ADAMTSL1: variants seen among roughly 807,000 people sequenced by gnomAD.
ADAMTSL1 encodes ADAMTS like 1, also known as ADAMTS-like protein 1.
ADAMTSL1 carries 126 observed loss-of-function variants against 201.8 expected under a neutral mutation model. The ratio of observed to expected loss-of-function variants is 0.62; its 90% CI spans 0.54 to 0.72. ADAMTSL1 has a LOEUF of 0.72. Among genes scored for constraint, ADAMTSL1 ranks in the 30% least tolerant of loss-of-function variants. ADAMTSL1 has a pLI of 0.00. For synonymous variants in ADAMTSL1, 1,121 were observed against 903.4 expected (o/e 1.24, Z -4.32); for missense variants, 2,679 against 2,277.8 (o/e 1.18, Z -3.59).
intron 7 of ADAMTSL1, among the ~76,000 whole-genome samples, chr9:18,651,898 A>G (rs183617315): frequency 2.0e-5 from 3 of 147,918 alleles, no homozygotes; most frequent in African/African-American, 7.3e-5. Flanking sequence ...GGAATTTATT[A>G]AGTTTATAAA....
intron 1 of ADAMTSL1, among the ~76,000 whole-genome samples, chr9:18,117,666 A>G (rs1409462223): frequency 6.6e-5 from 10 of 152,106 alleles, no homozygotes; most frequent in African/African-American, 2.2e-4. Flanking sequence ...TACATTTATC[A>G]TTTAGTATCT....
At chr9:18,493,375 G>A (rs1415846647) in intron 1 of ADAMTSL1, among the ~76,000 whole-genome samples, 1 of 152,096 alleles carries the variant, frequency 6.6e-6, no homozygotes, top group African/African-American at 2.4e-5. Flanking sequence ...AATTGGTAGA[G>A]GCCTATGCTT....
At chr9:18,729,375 G>A (rs1425083781) in intron 15 of ADAMTSL1, among the ~76,000 whole-genome samples, 3 of 152,192 alleles carry the variant, frequency 2.0e-5, no homozygotes, top group African/African-American at 7.2e-5. Flanking sequence ...ACCTCTATTA[G>A]TTACAAAACA....
intron 17 of ADAMTSL1, among the ~76,000 whole-genome samples, chr9:18,773,341 G>A (rs1286728307): frequency 6.6e-6 from 1 of 152,140 alleles, no homozygotes; most frequent in Non-Finnish European, 1.5e-5. Flanking sequence ...TCTCCTGAAA[G>A]AGTTTGATAT....
chr9:17,907,571 C>T (rs562910637), intron 1 of ADAMTSL1, among the ~76,000 whole-genome samples: 14 of 152,250 alleles, frequency 9.2e-5, no homozygotes, highest in African/African-American at 3.1e-4. Context: ...GGGTCTTCTC[C>T]AGGGCCACAC....
At chr9:18,327,486 C>T (rs951939628) in intron 2 of ADAMTSL1, among the ~76,000 whole-genome samples, 7 of 152,282 alleles carry the variant, frequency 4.6e-5, no homozygotes, top group South Asian at 4.1e-4. Flanking sequence ...AATCAGCCCA[C>T]GTAGGCATTT....
chr9:18,432,552 A>T (rs1587190966), intron 2 of ADAMTSL1, among the ~76,000 whole-genome samples: 1 of 152,296 alleles, frequency 6.6e-6, no homozygotes, highest in East Asian at 1.9e-4. Flanking sequence ...TTCCCATAGC[A>T]CATCACCAAA....
chr9:18,384,312 A>C (rs1475510460), intron 2 of ADAMTSL1, among the ~76,000 whole-genome samples: 1 of 152,166 alleles, frequency 6.6e-6, no homozygotes, highest in East Asian at 1.9e-4. Flanking sequence ...ATCTCATGAG[A>C]ACTCATGATC....
chr9:18,288,083 A>G (rs368231367), intron 2 of ADAMTSL1, among the ~76,000 whole-genome samples: 16 of 152,290 alleles, frequency 1.1e-4, no homozygotes, highest in African/African-American at 3.6e-4. Context: ...AGAGAGGATG[A>G]CAAACCAGGA....
chr9:17,914,259 G>A (rs1416507123), intron 1 of ADAMTSL1, among the ~76,000 whole-genome samples: 2 of 152,110 alleles, frequency 1.3e-5, no homozygotes. Context: ...GAACATTGAT[G>A]CAAAAATCCT....
chr9:18,895,983 G>A (rs530223111), intron 26 of ADAMTSL1, among the ~76,000 whole-genome samples: 1 of 152,090 alleles, frequency 6.6e-6, no homozygotes, highest in African/African-American at 2.4e-5. Flanking sequence ...TTACTGGCGG[G>A]ATTCAACAGC....
intron 2 of ADAMTSL1, among the ~76,000 whole-genome samples, chr9:18,511,708 T>C (rs771228775): frequency 3.9e-5 from 6 of 152,212 alleles, no homozygotes; most frequent in Non-Finnish European, 7.3e-5. Flanking sequence ...GATTTTTAAT[T>C]GCAAACACAG....
chr9:18,481,870 C>G (rs1821745224), intron 1 of ADAMTSL1, among the ~76,000 whole-genome samples: 1 of 152,042 alleles, frequency 6.6e-6, no homozygotes, highest in South Asian at 2.1e-4. Context: ...TGAGAATTAC[C>G]ATTATGTGTG....
intron 1 of ADAMTSL1, among the ~76,000 whole-genome samples, chr9:18,495,566 T>C (rs1410285953): frequency 6.6e-6 from 1 of 152,296 alleles, no homozygotes; most frequent in East Asian, 1.9e-4. Context: ...CTCCCAAAAC[T>C]GCAAAATTTG....
At chr9:18,901,003 C>T (rs575193120) in intron 26 of ADAMTSL1, among the ~76,000 whole-genome samples, 15 of 152,156 alleles carry the variant, frequency 9.9e-5, no homozygotes, top group South Asian at 6.2e-4. Flanking sequence ...GCCTCCCTCC[C>T]GTCTCTTACC....
intron 16 of ADAMTSL1, among the ~76,000 whole-genome samples, chr9:18,766,178 C>T (rs1251345335): frequency 1.3e-5 from 2 of 152,146 alleles, no homozygotes; most frequent in African/African-American, 4.8e-5. Flanking sequence ...ATGCTTGGTT[C>T]ATGATTGGCA....
At chr9:18,542,468 T>C (rs1820209905) in intron 3 of ADAMTSL1, among the ~76,000 whole-genome samples, 1 of 152,204 alleles carries the variant, frequency 6.6e-6, no homozygotes, top group Non-Finnish European at 1.5e-5. Context: ...AGTTGTGGTC[T>C]TTAAAGATGT....
chr9:18,839,708 T>A (rs2131310730), intron 23 of ADAMTSL1, among the ~76,000 whole-genome samples: 1 of 152,282 alleles, frequency 6.6e-6, no homozygotes, highest in Non-Finnish European at 1.5e-5. Context: ...GTTTCCTGAC[T>A]TTTTAATGAT....
chr9:18,775,243 A>G (rs977942678), intron 17 of ADAMTSL1, among the ~76,000 whole-genome samples: 2 of 152,184 alleles, frequency 1.3e-5, no homozygotes, highest in African/African-American at 4.8e-5. Context: ...CTAGCACCCT[A>G]CCTTAGACAA....
Sources: gnomAD v4.1 joint callset for allele counts (sites outside exome capture counted in the v4.1 genomes callset) on GRCh38, gnomAD v4.1.1 for gene constraint, MANE v1.5 for transcripts, NCBI Gene and HGNC (gene_info 2026-07-23, HGNC 2026-07-21) for gene names.